Variants in XKR9 observed in about 807,000 individuals in gnomAD.
The protein encoded by XKR9 is XK-related protein 9.
XKR9 carries 32 observed loss-of-function variants against 32.0 expected under a neutral mutation model. The ratio of observed to expected loss-of-function variants is 1.00; its 90% CI spans 0.76 to 1.34. The LOEUF is 1.34. XKR9 is among the 40% of genes most tolerant of loss of function. The pLI, the probability that XKR9 is intolerant of heterozygous loss-of-function variation, is 0.00. For missense variants in XKR9, 546 were observed against 429.7 expected (o/e 1.27, Z -2.39); for synonymous variants, 168 against 143.4 (o/e 1.17, Z -1.22).
the XKR9 span, among the ~76,000 whole-genome samples, chr8:70,944,879 C>T: frequency 6.6e-6 from 1 of 152,316 alleles, no homozygotes; most frequent in Middle Eastern, 3.4e-3. Flanking sequence ...GGCAGTCCTA[C>T]AGTTGAGCTT....
intron 2 of XKR9, among the ~76,000 whole-genome samples, chr8:70,746,563 A>G (rs1807062408): frequency 6.6e-6 from 1 of 151,462 alleles, no homozygotes; most frequent in African/African-American, 2.4e-5. Flanking sequence ...TGATGGTAGG[A>G]AAGGACTAGA....
At chr8:70,792,867 A>G (rs746095189), downstream of XKR9, among the ~76,000 whole-genome samples, 37 of 152,168 alleles carry the variant, frequency 2.4e-4, no homozygotes, top group Non-Finnish European at 3.7e-4. Flanking sequence ...AAAGCTATCT[A>G]TGTACCAGAA....
chr8:70,671,708 C>A (rs1818721831), intron 1 of XKR9, among the ~76,000 whole-genome samples: 2 of 88,120 alleles, frequency 2.3e-5, no homozygotes, highest in African/African-American at 3.5e-5. Context: ...GTATATGTGC[C>A]ACATTTTCTT....
intron 2 of XKR9, among the ~76,000 whole-genome samples, chr8:70,755,163 C>T (rs1299605999): frequency 5.9e-5 from 9 of 152,334 alleles, no homozygotes; most frequent in South Asian, 4.1e-4. Flanking sequence ...AAAAAATGCT[C>T]GTCATGACTG....
At chr8:70,845,775 A>T in the XKR9 span, among the ~76,000 whole-genome samples, 48,438 of 151,624 alleles carry the variant, frequency 0.32, 9,068 homozygotes, top group Non-Finnish European at 0.43. Context: ...AAAAAATAAT[A>T]AAAAAAACCA....
chr8:70,704,151 C>T (rs1374361450), intron 3 of XKR9, among the ~76,000 whole-genome samples: 5 of 151,868 alleles, frequency 3.3e-5, no homozygotes, highest in African/African-American at 1.2e-4. Context: ...CACTGCACTC[C>T]AGCCTGGGCG....
At chr8:70,887,559 A>T in the XKR9 span, among the ~76,000 whole-genome samples, 1 of 152,160 alleles carries the variant, frequency 6.6e-6, no homozygotes, top group South Asian at 2.1e-4. Context: ...GTCCATGAGC[A>T]TTGAATGTTT....
the XKR9 span, among the ~76,000 whole-genome samples, chr8:70,812,969 G>C: frequency 5.3e-5 from 8 of 152,096 alleles, no homozygotes; most frequent in African/African-American, 1.9e-4. Flanking sequence ...AACCAAAAAA[G>C]AGCCTGCATT....
intron 3 of XKR9, 47 bp downstream of exon 3, chr8:70,681,377 C>G: frequency 6.4e-7 from 1 of 1,556,708 alleles, no homozygotes; most frequent in Non-Finnish European, 8.7e-7. Flanking sequence ...TTTTTCCAAA[C>G]AGAAGCTACC....
At chr8:70,769,632 G>A (rs566052696) in intron 2 of XKR9, among the ~76,000 whole-genome samples, 45 of 151,718 alleles carry the variant, frequency 3.0e-4, no homozygotes, top group African/African-American at 9.9e-4. Flanking sequence ...GGCTTCATTC[G>A]TTCCTTTTCA....
chr8:70,808,891 G>A, the XKR9 span, among the ~76,000 whole-genome samples: 4 of 152,320 alleles, frequency 2.6e-5, no homozygotes, highest in East Asian at 7.7e-4. Flanking sequence ...CAAACAAAAG[G>A]CAGCAGAAAC....
At chr8:71,005,423 C>T in the XKR9 span, among the ~76,000 whole-genome samples, 2 of 151,208 alleles carry the variant, frequency 1.3e-5, no homozygotes, top group South Asian at 2.1e-4. Flanking sequence ...CGGGTTTCAT[C>T]ATGTTGGCCA....
At chr8:70,916,691 T>G in the XKR9 span, among the ~76,000 whole-genome samples, 1 of 152,150 alleles carries the variant, frequency 6.6e-6, no homozygotes, top group Non-Finnish European at 1.5e-5. Context: ...AGCTGTCTTG[T>G]TGGATTTTGA....
intron 1 of XKR9, among the ~76,000 whole-genome samples, 163 bp downstream of exon 1, chr8:70,669,701 C>T (rs1457480965): frequency 1.6e-5 from 2 of 121,432 alleles, no homozygotes; most frequent in African/African-American, 6.2e-5. Context: ...AAGTCTCGGT[C>T]TGTCGCCCAG....
chr8:70,781,871 A>C (rs1213678839), intron 2 of XKR9, among the ~76,000 whole-genome samples: 3 of 152,216 alleles, frequency 2.0e-5, no homozygotes, highest in Non-Finnish European at 4.4e-5. Flanking sequence ...TATGCGGATT[A>C]CTGGGGGAAA....
intron 3 of XKR9, among the ~76,000 whole-genome samples, chr8:70,687,379 TTCTTTCTCTTTC>T (rs1415281414): frequency 7.3e-5 from 9 of 123,350 alleles, no homozygotes; most frequent in African/African-American, 2.2e-4. Flanking sequence ...TTCTTTCTCT[TTCTTTCTCTTTC>T]TCTTTCTCTC....
intron 3 of XKR9, among the ~76,000 whole-genome samples, chr8:70,687,389 T>C (rs268636): frequency 0.89 from 133,162 of 149,302 alleles, 59,913 homozygotes; most frequent in Middle Eastern, 0.96. Flanking sequence ...TTCTTTCTCT[T>C]TCTCTTTCTC....
Position 70,734,849 on chromosome 8 carries a change from T to G in XKR9, c.*425T>G, listed in dbSNP as rs1806813204. 6.6e-6 allele frequency: 1 copy of G among 152,548 alleles called. No individual in the cohort carries two copies. Among genetic ancestry groups the G allele is most frequent in the African/African-American group, 2.4e-5 (1 of 41,450 alleles). The allele number at this position is 152,548 out of a possible 1,614,324, so 9.4% of individuals were successfully genotyped here. A position where few individuals can be genotyped will look rare whatever the true frequency, so the allele number is the denominator to read the frequency against. On this transcript the variant is annotated 3_prime_UTR_variant, in exon 5 of 5. Transcript: ENST00000408926. ...GCATATATTTGCAGTTGGGGACAGG[T>G]TGAGTAGAGGAAAAGGGAAAGAAGG...
the XKR9 span, among the ~76,000 whole-genome samples, chr8:71,000,631 G>A: frequency 6.6e-6 from 1 of 152,198 alleles, no homozygotes; most frequent in Non-Finnish European, 1.5e-5. Context: ...GATGTCTTAT[G>A]ATTAGAGAGT....
Sources: allele counts gnomAD v4.1 joint callset (sites outside exome capture counted in the v4.1 genomes callset), GRCh38; gene constraint gnomAD v4.1.1; transcripts MANE v1.5; gene names NCBI Gene and HGNC (gene_info 2026-07-23, HGNC 2026-07-21).